DENND2C: variants seen among roughly 807,000 people sequenced by gnomAD.
DENND2C encodes the protein DENN domain-containing protein 2C.
DENND2C carries 72 observed loss-of-function variants against 112.4 expected under a neutral mutation model. The ratio of observed to expected loss-of-function variants is 0.64; its 90% CI spans 0.53 to 0.78. The LOEUF is 0.78. Among genes scored for constraint, DENND2C ranks in the 30% least tolerant of loss-of-function variants. The probability of loss-of-function intolerance (pLI) is 0.00; values close to 1 mark genes in which losing one functional copy is unlikely to be tolerated. For synonymous variants in DENND2C, 329 were observed against 381.6 expected (o/e 0.86, Z 1.61); for missense variants, 992 against 1,113.8 (o/e 0.89, Z 1.56).
At chr1:114,634,379 G>A (rs936700077) in intron 3 of DENND2C, among the ~76,000 whole-genome samples, 2 of 151,864 alleles carry the variant, frequency 1.3e-5, no homozygotes, top group African/African-American at 4.8e-5. Context: ...TGTTGCCCAG[G>A]CTGGAGTGCA....
At chr1:114,636,148 A>G (rs1385927143) in intron 3 of DENND2C, among the ~76,000 whole-genome samples, 2 of 151,912 alleles carry the variant, frequency 1.3e-5, no homozygotes, top group African/African-American at 2.4e-5. Flanking sequence ...GGATAAAGAA[A>G]ACTATGTATT....
At chr1:114,663,666 A>G (rs527661249) in intron 1 of DENND2C, among the ~76,000 whole-genome samples, 1 of 152,150 alleles carries the variant, frequency 6.6e-6, no homozygotes, top group African/African-American at 2.4e-5. Context: ...CTGAGTTAAG[A>G]GTGGTTTTTA....
Position 114,618,485 on chromosome 1 carries a change from GA to G in DENND2C, c.1228-4del, listed in dbSNP as rs1410353074. 2 of 1,537,044 alleles carry G rather than the reference GA, an allele frequency of 1.3e-6. No homozygotes were observed. The highest frequency in any genetic ancestry group is 1.8e-6 in the Non-Finnish European group (2 of 1,140,890). On this transcript the variant is annotated splice_polypyrimidine_tract_variant and splice_region_variant and intron_variant, in intron 7 of 20. Coordinates refer to ENST00000393274, the MANE Select transcript of DENND2C (RefSeq NM_001256404.2). ...ATGTCATCTATTTTCAATACAAGCTGAAAAAAGACCAGAAAAATACAAATTA... is the reference window on the plus strand; with the variant it reads ...ATGTCATCTATTTTCAATACAAGCTGAAAAAGACCAGAAAAATACAAATTA...
chr1:114,601,623 C>T (rs377139717), intron 12 of DENND2C, 38 bp from the exon 13 acceptor site: 51 of 1,573,542 alleles, frequency 3.2e-5, no homozygotes, highest in Non-Finnish European at 4.3e-5. Flanking sequence ...AAAATCAAGC[C>T]GCATACATTT....
chr1:114,585,526 G>A lies in DENND2C; in HGVS notation c.*74C>T. 1 of 1,506,614 alleles carries A rather than the reference G, an allele frequency of 6.6e-7. No homozygotes were observed. The highest frequency in any genetic ancestry group is 9.2e-7 in the Non-Finnish European group (1 of 1,092,024). 93.3% of individuals were successfully genotyped at this position (1,506,614 alleles called of 1,614,324 possible). A position where few individuals can be genotyped will look rare whatever the true frequency, so the allele number is the denominator to read the frequency against. ...CAAGAATTTTGTAGAATACTTCATGGGATCCTGACCCTTAGAAAAATATTT... is the reference window on the plus strand; with the variant it reads ...CAAGAATTTTGTAGAATACTTCATGAGATCCTGACCCTTAGAAAAATATTT... On this transcript the variant is annotated 3_prime_UTR_variant, in exon 21 of 21. Coordinates refer to ENST00000393274, the MANE Select transcript of DENND2C (RefSeq NM_001256404.2).
At chr1:114,641,406 T>C (rs1386463530) in intron 3 of DENND2C, among the ~76,000 whole-genome samples, 2 of 152,138 alleles carry the variant, frequency 1.3e-5, no homozygotes, top group African/African-American at 2.4e-5. Context: ...TGAAATCTGA[T>C]CTCCAATGTT....
chr1:114,640,407 G>T (rs933966678), intron 3 of DENND2C, among the ~76,000 whole-genome samples: 1 of 152,192 alleles, frequency 6.6e-6, no homozygotes, highest in Non-Finnish European at 1.5e-5. Context: ...CAGAGCAAAG[G>T]TATTTTTATG....
At chr1:114,667,578 GT>G (rs1657679749) in intron 1 of DENND2C, among the ~76,000 whole-genome samples, 2 of 152,090 alleles carry the variant, frequency 1.3e-5, no homozygotes, top group African/African-American at 4.8e-5. Flanking sequence ...CAAAAAAAGG[GT>G]TCCCACAGAT....
intron 3 of DENND2C, among the ~76,000 whole-genome samples, chr1:114,634,403 G>A (rs554896715): frequency 3.3e-5 from 5 of 151,838 alleles, no homozygotes; most frequent in South Asian, 2.1e-4. Context: ...GCACAATCTC[G>A]GCTCACTGCA....
intron 18 of DENND2C, among the ~76,000 whole-genome samples, chr1:114,590,365 T>C (rs1476432026): frequency 6.6e-6 from 1 of 152,168 alleles, no homozygotes; most frequent in Non-Finnish European, 1.5e-5. Flanking sequence ...CACTCCAGCC[T>C]GGTTGACAGA....
intron 3 of DENND2C, among the ~76,000 whole-genome samples, chr1:114,638,208 C>T (rs1231826913): frequency 1.3e-5 from 2 of 151,756 alleles, no homozygotes; most frequent in Non-Finnish European, 2.9e-5. Context: ...GGCATCAGAA[C>T]AAATAGGTAT....
At chr1:114,587,177 C>T in intron 20 of DENND2C, 3 of 560,834 alleles carry the variant, frequency 5.3e-6, no homozygotes, top group South Asian at 2.0e-5. Context: ...GCTGGGATTA[C>T]AGGCATAAGC....
intron 1 of DENND2C, among the ~76,000 whole-genome samples, chr1:114,663,678 A>G (rs1657563042): frequency 6.6e-6 from 1 of 152,144 alleles, no homozygotes. Flanking sequence ...TGGTTTTTAC[A>G]TTTTTTAATG....
intron 8 of DENND2C, among the ~76,000 whole-genome samples, chr1:114,614,826 C>T (rs1352386673): frequency 6.6e-6 from 1 of 152,042 alleles, no homozygotes; most frequent in Non-Finnish European, 1.5e-5. Flanking sequence ...TCCTGGCCAA[C>T]GTGGTGAAAC....
intron 3 of DENND2C, among the ~76,000 whole-genome samples, chr1:114,629,782 C>A (rs565225537): frequency 2.0e-5 from 3 of 152,010 alleles, no homozygotes; most frequent in Non-Finnish European, 4.4e-5. Context: ...TTAAGAGAAA[C>A]CAATCTGAAT....
intron 7 of DENND2C, among the ~76,000 whole-genome samples, chr1:114,619,192 GAAAC>G (rs1276600739): frequency 6.6e-6 from 1 of 152,096 alleles, no homozygotes; most frequent in Admixed American, 6.6e-5. Flanking sequence ...GTGTGTAAGA[GAAAC>G]AGACAGGAGA....
At chr1:114,618,567 A>G in intron 7 of DENND2C, 85 bp from the exon 8 acceptor site, 1 of 730,674 alleles carries the variant, frequency 1.4e-6, no homozygotes, top group South Asian at 2.6e-5. Flanking sequence ...AGGGATTCTT[A>G]TTCAGAGAAA....
chr1:114,626,535 G>A (rs1656347916), intron 3 of DENND2C, among the ~76,000 whole-genome samples: 1 of 121,098 alleles, frequency 8.3e-6, no homozygotes, highest in Non-Finnish European at 1.6e-5. Flanking sequence ...TTTTGAGACA[G>A]AGTCTCGCTC....
intron 15 of DENND2C, among the ~76,000 whole-genome samples, chr1:114,599,768 TG>T (rs1570760208): frequency 6.6e-6 from 1 of 152,134 alleles, no homozygotes; most frequent in East Asian, 1.9e-4. Flanking sequence ...CAAAAGTCAT[TG>T]GTATAGCCTA....
Sources: allele counts gnomAD v4.1 joint callset (sites outside exome capture counted in the v4.1 genomes callset), GRCh38; gene constraint gnomAD v4.1.1; transcripts MANE v1.5; gene names NCBI Gene and HGNC (gene_info 2026-07-23, HGNC 2026-07-21).